ROBO1: variants seen among roughly 807,000 people sequenced by gnomAD.
ROBO1 encodes the protein roundabout guidance receptor 1, also known as roundabout homolog 1.
In ROBO1, 149 loss-of-function variants were observed where a neutral mutation model predicts 195.9. The observed-to-expected ratio is 0.76, with a 90% CI of 0.67 to 0.87. The LOEUF is 0.87. Ranked by LOEUF, ROBO1 falls within the 40% of genes least tolerant of loss-of-function variation. ROBO1 has a pLI of 0.00. For missense variants in ROBO1, 1,933 were observed against 2,068.3 expected (o/e 0.93, Z 1.27); for synonymous variants, 816 against 733.2 (o/e 1.11, Z -1.82).
intron 1 of ROBO1, among the ~76,000 whole-genome samples, chr3:79,696,313 T>C (rs1947446313): frequency 6.6e-6 from 1 of 151,216 alleles, no homozygotes; most frequent in Non-Finnish European, 1.5e-5. Flanking sequence ...GAATCTGCTC[T>C]ATTGTAATAT....
At chr3:78,787,645 G>A (rs1217061178) in intron 4 of ROBO1, among the ~76,000 whole-genome samples, 1 of 152,150 alleles carries the variant, frequency 6.6e-6, no homozygotes, top group African/African-American at 2.4e-5. Context: ...AAAAATTACA[G>A]TGGAAAAGAT....
At chr3:79,317,512 A>G (rs760128924) in intron 2 of ROBO1, among the ~76,000 whole-genome samples, 41 of 152,194 alleles carry the variant, frequency 2.7e-4, no homozygotes, top group Non-Finnish European at 3.1e-4. Flanking sequence ...CCAACTGTCT[A>G]CAGGATAAAA....
chr3:78,635,187 C>T (rs1437065700), intron 23 of ROBO1, among the ~76,000 whole-genome samples: 2 of 152,142 alleles, frequency 1.3e-5, no homozygotes, highest in Non-Finnish European at 2.9e-5. Context: ...CAAGTTAATA[C>T]TAAACTCAAT....
At chr3:78,947,730 A>C (rs1403587450) in intron 3 of ROBO1, among the ~76,000 whole-genome samples, 2 of 152,220 alleles carry the variant, frequency 1.3e-5, no homozygotes, top group East Asian at 1.9e-4. Flanking sequence ...TAATGAATCC[A>C]GGAGCTGGTT....
intron 2 of ROBO1, among the ~76,000 whole-genome samples, chr3:79,290,331 C>G (rs1447442031): frequency 6.6e-6 from 1 of 152,040 alleles, no homozygotes; most frequent in East Asian, 1.9e-4. Context: ...TGTGCCTGGC[C>G]TACCTCCTTT....
intron 4 of ROBO1, among the ~76,000 whole-genome samples, chr3:78,876,201 T>C (rs530767909): frequency 7.2e-5 from 11 of 152,224 alleles, no homozygotes; most frequent in East Asian, 1.9e-4. Flanking sequence ...TCAAGTTGCA[T>C]AGTAACATAT....
At chr3:79,444,262 GAACT>G (rs1327034197) in intron 2 of ROBO1, among the ~76,000 whole-genome samples, 1 of 151,898 alleles carries the variant, frequency 6.6e-6, no homozygotes, top group Admixed American at 6.6e-5. Context: ...GCTGTATAAA[GAACT>G]CCCAATGTAA....
chr3:78,623,193 G>A (rs1704557271), intron 26 of ROBO1, among the ~76,000 whole-genome samples: 1 of 152,120 alleles, frequency 6.6e-6, no homozygotes, highest in Non-Finnish European at 1.5e-5. Flanking sequence ...CAATGACAGA[G>A]GATATATAGA....
At chr3:79,397,595 A>T (rs2037201941) in intron 2 of ROBO1, among the ~76,000 whole-genome samples, 1 of 152,188 alleles carries the variant, frequency 6.6e-6, no homozygotes, top group Non-Finnish European at 1.5e-5. Context: ...AATTCAAAAC[A>T]AGCAACTAAA....
intron 2 of ROBO1, among the ~76,000 whole-genome samples, chr3:79,546,427 C>T (rs1942267022): frequency 6.6e-6 from 1 of 152,010 alleles, no homozygotes; most frequent in African/African-American, 2.4e-5. Flanking sequence ...TACAGTGTTG[C>T]TCTCGAAAGA....
At chr3:79,108,811 T>A (rs1329084373) in intron 3 of ROBO1, among the ~76,000 whole-genome samples, 1 of 151,912 alleles carries the variant, frequency 6.6e-6, no homozygotes, top group East Asian at 1.9e-4. Flanking sequence ...TCAGTACAGT[T>A]CTTTGTGAAA....
chr3:78,915,878 G>C (rs564712126), intron 4 of ROBO1, among the ~76,000 whole-genome samples: 60 of 152,148 alleles, frequency 3.9e-4, no homozygotes, highest in African/African-American at 1.4e-3. Context: ...GGTTAGTCTG[G>C]AACTCCTGAG....
intron 3 of ROBO1, among the ~76,000 whole-genome samples, chr3:78,944,547 C>T (rs555380970): frequency 6.6e-6 from 1 of 152,280 alleles, no homozygotes; most frequent in East Asian, 1.9e-4. Context: ...CCAAGATGGC[C>T]GAATAGGAAC....
At chr3:78,720,738 T>C (rs998682725) in intron 5 of ROBO1, among the ~76,000 whole-genome samples, 1 of 152,188 alleles carries the variant, frequency 6.6e-6, no homozygotes, top group Non-Finnish European at 1.5e-5. Context: ...ATGTGGCATA[T>C]ATACACCATG....
chr3:79,584,887 AAC>A (rs909770770), intron 2 of ROBO1, among the ~76,000 whole-genome samples: 2 of 151,674 alleles, frequency 1.3e-5, no homozygotes, highest in Non-Finnish European at 2.9e-5. Context: ...TCAGCAAGAG[AAC>A]ACCCACCTGA....
chr3:79,296,910 T>G (rs905508846), intron 2 of ROBO1, among the ~76,000 whole-genome samples: 1 of 152,124 alleles, frequency 6.6e-6, no homozygotes, highest in African/African-American at 2.4e-5. Context: ...CTCTTTTTGG[T>G]ATATTTAATC....
chr3:78,773,028 A>C (rs1164422217), intron 4 of ROBO1, among the ~76,000 whole-genome samples: 1 of 152,124 alleles, frequency 6.6e-6, no homozygotes, highest in Non-Finnish European at 1.5e-5. Flanking sequence ...ATAATATTCA[A>C]GAAAAAGTAA....
intron 1 of ROBO1, among the ~76,000 whole-genome samples, chr3:79,731,227 A>G (rs1012489498): frequency 9.2e-5 from 14 of 152,364 alleles, no homozygotes; most frequent in African/African-American, 3.4e-4. Context: ...GTGTGAAGGC[A>G]GAATGAGTGC....
chr3:79,021,786 A>G (rs895418612), intron 3 of ROBO1, among the ~76,000 whole-genome samples: 26 of 150,768 alleles, frequency 1.7e-4, no homozygotes, highest in South Asian at 6.3e-4. Context: ...TCAGCCTCCC[A>G]AGTAGCTGGG....
Sources: gnomAD v4.1 joint callset for allele counts (sites outside exome capture counted in the v4.1 genomes callset) on GRCh38, gnomAD v4.1.1 for gene constraint, MANE v1.5 for transcripts, NCBI Gene and HGNC (gene_info 2026-07-23, HGNC 2026-07-21) for gene names.